Variants in GNAZ observed in about 807,000 individuals in gnomAD.
GNAZ encodes guanine nucleotide-binding protein G(z) subunit alpha.
A neutral mutation model predicts 25.4 loss-of-function variants in GNAZ; 3 were observed. The ratio of observed to expected loss-of-function variants is 0.12; its 90% CI spans 0.05 to 0.30. The LOEUF is 0.30. Ranked by LOEUF, GNAZ falls within the 10% of genes least tolerant of loss-of-function variation. GNAZ has a pLI of 1.00. For missense variants in GNAZ, 241 were observed against 501.8 expected (o/e 0.48, Z 4.97); for synonymous variants, 211 against 205.7 (o/e 1.03, Z -0.22).
chr22:23,086,281 C>A (rs2068818264), intron 1 of GNAZ, among the ~76,000 whole-genome samples: 1 of 152,236 alleles, frequency 6.6e-6, no homozygotes, highest in Non-Finnish European at 1.5e-5. Context: ...CCTGCAGACT[C>A]CCAGCCAGGC....
intron 1 of GNAZ, among the ~76,000 whole-genome samples, chr22:23,079,229 T>C (rs923655651): frequency 6.6e-6 from 1 of 152,224 alleles, no homozygotes; most frequent in Non-Finnish European, 1.5e-5. Context: ...ACACGTGGTG[T>C]GGCTGTGTGC....
intron 2 of GNAZ, among the ~76,000 whole-genome samples, chr22:23,117,249 G>GT (rs869089934): frequency 2.8e-5 from 4 of 143,696 alleles, no homozygotes; most frequent in African/African-American, 1.0e-4. Context: ...GGAATGAGAG[G>GT]GGCTGAGCCA....
intron 2 of GNAZ, among the ~76,000 whole-genome samples, chr22:23,107,446 C>A (rs1329648300): frequency 2.0e-5 from 3 of 152,134 alleles, no homozygotes. Context: ...AGTCGAGGGC[C>A]TCATGAAAAC....
At chr22:23,118,075 G>A (rs1601833963) in intron 2 of GNAZ, among the ~76,000 whole-genome samples, 1 of 152,218 alleles carries the variant, frequency 6.6e-6, no homozygotes, top group Non-Finnish European at 1.5e-5. Context: ...CTCCCCTGCT[G>A]TAGTGAGAAA....
rs901052059 is a variant in GNAZ, at chr22:23,071,130, A to G, written c.-450+560A>G. Among the ~76,000 whole-genome samples the G allele has an allele frequency of 2.0e-5, 3 of 152,262 alleles. No individual in the cohort carries two copies. Among genetic ancestry groups the G allele is most frequent in the Non-Finnish European group, 2.9e-5 (2 of 68,010 alleles). On this transcript the variant is annotated intron_variant, in intron 1 of 2. Coordinates refer to ENST00000615612, the MANE Select transcript of GNAZ (RefSeq NM_002073.4). The surrounding 1 kb of genome is among the most constrained non-coding windows in gnomAD (Gnocchi z 4.1). ...TGCAGCGAGCAGGTTCCTCACAGGC[A>G]TTTAGAGGAAGAGATGAGTATCGAC...
chr22:23,101,663 G>A (rs2069306296), intron 2 of GNAZ, among the ~76,000 whole-genome samples: 1 of 152,226 alleles, frequency 6.6e-6, no homozygotes, highest in African/African-American at 2.4e-5. Context: ...TTCTGATCTT[G>A]CAATGTGCCA....
rs2069102055 is a variant in GNAZ at position 23,095,630 on chromosome 22, C to A, written c.-66C>A. 1 of 1,526,972 alleles carries A rather than the reference C, an allele frequency of 6.5e-7. No individual in the cohort carries two copies. Among genetic ancestry groups the A allele is most frequent in the Non-Finnish European group, 8.8e-7 (1 of 1,136,760 alleles). 94.6% of individuals were successfully genotyped at this position (1,526,972 alleles called of 1,614,324 possible). On this transcript the variant is annotated 5_prime_UTR_variant, in exon 2 of 3. Transcript: ENST00000615612. ...GCTCTTGTCTGCCTGGTCTCAGTGT[C>A]CCCTGTGGCAAGAGGGAGAGGTGCC... is the stretch of plus-strand genomic sequence containing the variant.
rs547824260 is a variant in GNAZ at position 23,071,851 on chromosome 22, G to T, written c.-450+1281G>T. 3.0e-4 allele frequency among the ~76,000 whole-genome samples: 46 copies of T among 152,314 alleles called. No individual in the cohort carries two copies. Among genetic ancestry groups the T allele is most frequent in the Non-Finnish European group, 4.7e-4 (32 of 68,022 alleles). ...GTGGGCAGAGAGGAGAGAATAGACC[G>T]AGGCACTTGGGCAGTTAGGTCTGAT... On this transcript the variant is annotated intron_variant, in intron 1 of 2. Transcript: ENST00000615612. The surrounding 1 kb of genome is among the most constrained non-coding windows in gnomAD (Gnocchi z 4.1).
At chr22:23,103,472 C>T (rs74635474) in intron 2 of GNAZ, among the ~76,000 whole-genome samples, 2,411 of 152,304 alleles carry the variant, frequency 0.016, 26 homozygotes, top group Non-Finnish European at 0.025. Flanking sequence ...CACTGTGCTT[C>T]CCCAGTGACT....
At chr22:23,111,206 C>G (rs142238209) in intron 2 of GNAZ, among the ~76,000 whole-genome samples, 1,655 of 152,310 alleles carry the variant, frequency 0.011, 15 homozygotes, top group Non-Finnish European at 0.018. Flanking sequence ...CCCTTTGTCT[C>G]CCAGTCCCAT....
chr22:23,107,194 G>T (rs2069508088), intron 2 of GNAZ, among the ~76,000 whole-genome samples: 1 of 152,196 alleles, frequency 6.6e-6, no homozygotes, highest in Non-Finnish European at 1.5e-5. Flanking sequence ...CATAGTTGCA[G>T]GGGGGAGGGG....
At chr22:23,120,695 C>A (rs1190178017) in intron 2 of GNAZ, among the ~76,000 whole-genome samples, 1 of 152,058 alleles carries the variant, frequency 6.6e-6, no homozygotes, top group Non-Finnish European at 1.5e-5. Flanking sequence ...CCATACCCTG[C>A]TGGTGGCCAG....
chr22:23,110,416 G>GC (rs1029858975), intron 2 of GNAZ, among the ~76,000 whole-genome samples: 6 of 152,166 alleles, frequency 3.9e-5, no homozygotes, highest in African/African-American at 1.4e-4. Flanking sequence ...CCACCAGGAG[G>GC]CCCACCCCAC....
chr22:23,099,297 C>T (rs2069225428), intron 2 of GNAZ, among the ~76,000 whole-genome samples: 2 of 152,246 alleles, frequency 1.3e-5, no homozygotes, highest in South Asian at 4.1e-4. Context: ...AGCATGGCAG[C>T]GAGCCACATG....
chr22:23,116,508 G>A (rs2069840522), intron 2 of GNAZ, among the ~76,000 whole-genome samples: 1 of 152,256 alleles, frequency 6.6e-6, no homozygotes, highest in Non-Finnish European at 1.5e-5. Flanking sequence ...CCTCATGCAG[G>A]ACCATGGTCT....
chr22:23,096,850 C>T (rs1265007041), intron 2 of GNAZ, among the ~76,000 whole-genome samples: 3 of 152,212 alleles, frequency 2.0e-5, no homozygotes, highest in African/African-American at 4.8e-5. Flanking sequence ...AATCCCAGGT[C>T]CTGGTGGAAA....
rs1453606053 is a variant in GNAZ, at chr22:23,095,484, G to A, written c.-212G>A. The A allele has an allele frequency of 5.2e-6, 3 of 577,754 alleles. No homozygotes were observed. The highest frequency in any genetic ancestry group is 9.1e-6 in the Non-Finnish European group (3 of 329,840). The allele number at this position is 577,754 out of a possible 1,614,324, so 35.8% of individuals were successfully genotyped here. A position where few individuals can be genotyped will look rare whatever the true frequency, so the allele number is the denominator to read the frequency against. On this transcript the variant is annotated 5_prime_UTR_variant, in exon 2 of 3. Transcript: ENST00000615612. The stretch of plus-strand genomic sequence containing the variant: ...GAGGTGGAGTGTCACTAGTGGGGAG[G>A]GGCGGCCACCGCCCGCTGCACAGAG...
In GNAZ at chr22:23,092,746, G is replaced by C. The variant is rs537042068; in HGVS notation, c.-449-2501G>C. ...TCCTGATTCCCCAGCCTTGGAGCCAGGGAGCACATACATCCCAAAGCACAA... is the reference window on the plus strand; with the variant it reads ...TCCTGATTCCCCAGCCTTGGAGCCACGGAGCACATACATCCCAAAGCACAA... On this transcript the variant is annotated intron_variant, in intron 1 of 2. Transcript: ENST00000615612. 1.5e-3 allele frequency among the ~76,000 whole-genome samples: 226 copies of C among 152,324 alleles called. 1 individual carries two copies. Among genetic ancestry groups the C allele is most frequent in the African/African-American group, 3.8e-3 (160 of 41,570 alleles).
chr22:23,119,382 G>A (rs1202523021), intron 2 of GNAZ, among the ~76,000 whole-genome samples: 3 of 152,192 alleles, frequency 2.0e-5, no homozygotes, highest in Non-Finnish European at 2.9e-5. Flanking sequence ...ATCAACTTCA[G>A]CTGGTCAGGG....
Sources: gnomAD v4.1 joint callset for allele counts (sites outside exome capture counted in the v4.1 genomes callset) on GRCh38, gnomAD v4.1.1 for gene constraint, Gnocchi (gnomAD v3.1) non-coding constraint, MANE v1.5 for transcripts, NCBI Gene and HGNC (gene_info 2026-07-23, HGNC 2026-07-21) for gene names.